The following ITGA9 variants were observed in gnomAD, a reference collection of about 807,000 sequenced individuals.
The protein encoded by ITGA9 is integrin subunit alpha 9.
A neutral mutation model predicts 127.8 loss-of-function variants in ITGA9; 56 were observed. That is an observed-to-expected ratio of 0.44 (90% CI 0.35 to 0.55). The LOEUF (loss-of-function observed/expected upper bound fraction) is 0.55, where lower values mean the gene tolerates loss of function less well. Ranked by LOEUF, ITGA9 falls within the 20% of genes least tolerant of loss-of-function variation. ITGA9 has a pLI of 0.00. For missense variants in ITGA9, 1,196 were observed against 1,347.1 expected (o/e 0.89, Z 1.76); for synonymous variants, 508 against 514.5 (o/e 0.99, Z 0.17).
chr3:37,771,953 C>T (rs535503815), intron 23 of ITGA9, among the ~76,000 whole-genome samples: 1 of 152,174 alleles, frequency 6.6e-6, no homozygotes, highest in Non-Finnish European at 1.5e-5. Flanking sequence ...CAGCCCCATC[C>T]TCAGCTTCCA....
At position 37,499,225 on chromosome 3, in the gene ITGA9, A is replaced by G. The variant is rs553843868; in HGVS notation, c.613-3953A>G. ...TTAGCAGCAAGAGAGGATTTGGACC[A>G]GCTGGGCTGGCGTTCACGCCTGCTG... On this transcript the variant is annotated intron_variant, in intron 5 of 27. Transcript: ENST00000264741. Among the ~76,000 whole-genome samples the G allele has an allele frequency of 7.2e-5, 11 of 152,380 alleles. No homozygotes were observed. In the South Asian group the frequency reaches 1.7e-3, roughly 23 times the overall value.
chr3:37,707,422 G>A (rs532055205), intron 18 of ITGA9, among the ~76,000 whole-genome samples: 2 of 152,112 alleles, frequency 1.3e-5, no homozygotes, highest in Non-Finnish European at 2.9e-5. Context: ...TTATGTTTGT[G>A]TTCTTCTTAT....
intron 12 of ITGA9, among the ~76,000 whole-genome samples, chr3:37,525,659 A>G (rs1205235628): frequency 6.6e-6 from 1 of 152,218 alleles, no homozygotes; most frequent in Non-Finnish European, 1.5e-5. Context: ...TAATTTTATT[A>G]ATTTTTTTAG....
intron 16 of ITGA9, among the ~76,000 whole-genome samples, chr3:37,641,279 G>A (rs1474553710): frequency 6.6e-6 from 1 of 152,134 alleles, no homozygotes; most frequent in East Asian, 1.9e-4. Context: ...GATCTAGATT[G>A]TGCCGAAACC....
chr3:37,644,580 T>C (rs1700360543), intron 16 of ITGA9, among the ~76,000 whole-genome samples: 1 of 152,170 alleles, frequency 6.6e-6, no homozygotes, highest in East Asian at 1.9e-4. Flanking sequence ...CATGAATATA[T>C]ACCATGTTTT....
At position 37,523,522 on chromosome 3, in the gene ITGA9, A is replaced by G; in HGVS notation, c.1238A>G (p.Lys413Arg). 6.2e-7 allele frequency: 1 copy of G among 1,613,460 alleles called. No individual in the cohort carries two copies. The highest frequency in any genetic ancestry group is 1.1e-5 in the South Asian group (1 of 91,068). The change falls in exon 12 of 28, where the codon AAA becomes AGA. Residue 413 changes from lysine to arginine, a missense_variant and splice_region_variant. Coordinates refer to ENST00000264741, the MANE Select transcript of ITGA9 (RefSeq NM_002207.3). ...AGGIVPQYSM[K>R]LSGQKINPVL... ...CCATTTCCCTATTATCTGTTTCAGA[A>G]ACTGTCTGGGCAGAAGATAAATCCA... is the stretch of plus-strand genomic sequence containing the variant.
intron 15 of ITGA9, among the ~76,000 whole-genome samples, chr3:37,573,740 GAA>G (rs1699625086): frequency 1.3e-5 from 2 of 152,326 alleles, no homozygotes; most frequent in South Asian, 4.1e-4. Context: ...TACATTGAAA[GAA>G]GAGAATATGA....
intron 15 of ITGA9, among the ~76,000 whole-genome samples, chr3:37,565,388 T>C (rs778196163): frequency 2.0e-4 from 30 of 152,198 alleles, no homozygotes; most frequent in Non-Finnish European, 3.7e-4. Context: ...GATCACTCTG[T>C]GTTCTCAAGA....
At chr3:37,512,120 C>CTTTTCTTTTCTTTTCTTTTCTTTTCT (rs60763846) in intron 8 of ITGA9, among the ~76,000 whole-genome samples, 2 of 39,466 alleles carry the variant, frequency 5.1e-5, no homozygotes, top group Non-Finnish European at 9.4e-5. Context: ...TTCCTTCCTT[C>CTTTTCTTTTCTTTTCTTTTCTTTTCT]TTTCTTTTCT....
At chr3:37,465,073 G>T (rs1382003548) in intron 1 of ITGA9, among the ~76,000 whole-genome samples, 1 of 152,222 alleles carries the variant, frequency 6.6e-6, no homozygotes, top group Non-Finnish European at 1.5e-5. Context: ...AACCTAATGG[G>T]TTTAAAGTTT....
At chr3:37,710,007 A>T (rs1250052660) in intron 18 of ITGA9, among the ~76,000 whole-genome samples, 1 of 152,030 alleles carries the variant, frequency 6.6e-6, no homozygotes, top group African/African-American at 2.4e-5. Flanking sequence ...AGAGGAAAAG[A>T]CTCTGGCTGA....
At chr3:37,670,054 T>C (rs1010838201) in intron 17 of ITGA9, among the ~76,000 whole-genome samples, 1 of 152,154 alleles carries the variant, frequency 6.6e-6, no homozygotes, top group Non-Finnish European at 1.5e-5. Flanking sequence ...GAAATGCTGT[T>C]CTTTCAGTTA....
At chr3:37,581,655 A>C (rs974618108) in intron 15 of ITGA9, among the ~76,000 whole-genome samples, 1 of 152,234 alleles carries the variant, frequency 6.6e-6, no homozygotes, top group Non-Finnish European at 1.5e-5. Context: ...AAAGCAAGAC[A>C]ATGTCTCAAA....
chr3:37,634,693 C>A (rs1575175080), intron 16 of ITGA9, among the ~76,000 whole-genome samples: 2 of 152,096 alleles, frequency 1.3e-5, no homozygotes, highest in Non-Finnish European at 2.9e-5. Flanking sequence ...GACAGATCAT[C>A]CAGACAGAAA....
In ITGA9 at chr3:37,532,633, G is replaced by GA. The variant is rs1559530009; in HGVS notation, c.1374-681_1374-680insA. 3.2e-3 allele frequency among the ~76,000 whole-genome samples: 493 copies of GA among 151,756 alleles called. 19 individuals carry two copies. The East Asian group carries it at 0.084, about 26-fold the overall frequency. On this transcript the variant is annotated intron_variant, in intron 13 of 27. Transcript: ENST00000264741. ...TGGGATGTCCTTGGGGAGCCCACAG[G>GA]TGCTGTCCATTCATCAAGCACTGGG...
At chr3:37,465,469 G>T (rs1437373893) in intron 1 of ITGA9, among the ~76,000 whole-genome samples, 1 of 152,198 alleles carries the variant, frequency 6.6e-6, no homozygotes, top group Non-Finnish European at 1.5e-5. Flanking sequence ...TCCCAGCTCT[G>T]CCACTTACTG....
At chr3:37,739,162 C>T (rs909993204) in intron 20 of ITGA9, among the ~76,000 whole-genome samples, 1 of 152,138 alleles carries the variant, frequency 6.6e-6, no homozygotes, top group African/African-American at 2.4e-5. Context: ...TTATATTTAC[C>T]AGTTGCAGTG....
chr3:37,695,997 C>T (rs892461655), intron 18 of ITGA9, among the ~76,000 whole-genome samples: 6 of 152,228 alleles, frequency 3.9e-5, no homozygotes, highest in South Asian at 2.1e-4. Context: ...TTTTGGTTTC[C>T]GCTTCCAACA....
chr3:37,502,229 T>TC (rs1158614656), intron 5 of ITGA9, among the ~76,000 whole-genome samples: 1 of 149,928 alleles, frequency 6.7e-6, no homozygotes, highest in Non-Finnish European at 1.5e-5. Flanking sequence ...TTTTTTTTTT[T>TC]TTTTTGGCAG....
Sources: allele counts gnomAD v4.1 joint callset (sites outside exome capture counted in the v4.1 genomes callset), GRCh38; gene constraint gnomAD v4.1.1; transcripts MANE v1.5; gene names NCBI Gene and HGNC (gene_info 2026-07-23, HGNC 2026-07-21).